DOCK4: variants seen among roughly 807,000 people sequenced by gnomAD.
DOCK4 encodes dedicator of cytokinesis 4.
Under a neutral mutation model 268.1 loss-of-function variants are expected in DOCK4, and 97 were observed. The ratio of observed to expected loss-of-function variants is 0.36; its 90% CI spans 0.31 to 0.43. DOCK4 has a LOEUF of 0.43. Among genes scored for constraint, DOCK4 ranks in the 20% least tolerant of loss-of-function variants. DOCK4 has a pLI of 1.00. For synonymous variants in DOCK4, 954 were observed against 887.2 expected, an observed-to-expected ratio of 1.08 and a Z score of -1.34; for missense variants, 2,145 against 2,455.7, an observed-to-expected ratio of 0.87 and a Z score of 2.67.
chr7:111,899,190 A>G (rs1404554756), intron 15 of DOCK4, among the ~76,000 whole-genome samples: 2 of 152,250 alleles, frequency 1.3e-5, no homozygotes, highest in African/African-American at 4.8e-5. Flanking sequence ...GTCAATTCTG[A>G]AATATGCCAT....
intron 30 of DOCK4, among the ~76,000 whole-genome samples, chr7:111,798,961 A>G (rs990170260): frequency 6.6e-6 from 1 of 152,262 alleles, no homozygotes; most frequent in Non-Finnish European, 1.5e-5. Context: ...AGAAATAGCA[A>G]GAATGCATTG....
intron 39 of DOCK4, among the ~76,000 whole-genome samples, chr7:111,762,926 C>G (rs1039861395): frequency 6.6e-6 from 1 of 151,616 alleles, no homozygotes; most frequent in African/African-American, 2.4e-5. Context: ...GCCACCGAAC[C>G]TGGCAATTTT....
chr7:111,779,391 C>G (rs1798655866), intron 35 of DOCK4, among the ~76,000 whole-genome samples: 1 of 152,052 alleles, frequency 6.6e-6, no homozygotes, highest in East Asian at 1.9e-4. Flanking sequence ...CTTACCTGGA[C>G]AAATTATGTT....
chr7:111,810,991 G>T (rs1398146051), intron 28 of DOCK4, among the ~76,000 whole-genome samples: 1 of 152,108 alleles, frequency 6.6e-6, no homozygotes, highest in East Asian at 1.9e-4. Flanking sequence ...AACAGAGCAG[G>T]ACTCTGTCTC....
chr7:111,765,030 C>A, intron 39 of DOCK4, 88 bp downstream of exon 39: 1 of 573,750 alleles, frequency 1.7e-6, no homozygotes, highest in South Asian at 3.9e-5. Context: ...TATTACCTGT[C>A]ATATAAAATG....
chr7:111,888,919 C>T (rs1254569837), intron 16 of DOCK4, among the ~76,000 whole-genome samples: 1 of 152,090 alleles, frequency 6.6e-6, no homozygotes, highest in African/African-American at 2.4e-5. Flanking sequence ...AGACACTAGA[C>T]ACCTGGCTTA....
intron 1 of DOCK4, among the ~76,000 whole-genome samples, chr7:112,197,970 G>GAAAAAAAAAAAAAAA (rs10525534): frequency 8.1e-5 from 9 of 111,070 alleles, no homozygotes; most frequent in Middle Eastern, 5.0e-3. Context: ...GACCTGCCTA[G>GAAAAAAAAAAAAAAA]AAAAAAAAAA....
chr7:111,877,191 T>TA lies in DOCK4; in HGVS notation c.1588-6dup. 6.9e-7 allele frequency: 1 copy of TA among 1,445,338 alleles called. No individual in the cohort carries two copies. Among genetic ancestry groups the TA allele is most frequent in the Admixed American group, 2.7e-5 (1 of 36,396 alleles). The allele number at this position is 1,445,338 out of a possible 1,614,324, so 89.5% of individuals were successfully genotyped here. ...AAGATTTGTGTTTTCTTCACACTGT[T>TA]AAAAATATTTAAAAAAACATAAGGG... On this transcript the variant is annotated splice_region_variant and splice_polypyrimidine_tract_variant and intron_variant, in intron 16 of 52. Transcript: ENST00000428084.
intron 16 of DOCK4, among the ~76,000 whole-genome samples, chr7:111,889,351 T>C (rs1469902348): frequency 1.3e-5 from 2 of 152,090 alleles, no homozygotes. Context: ...ATAGGGTAAG[T>C]CTTTTAGAAG....
At chr7:111,783,005 AGAAAG>A in intron 34 of DOCK4, 81 bp from the exon 35 acceptor site, 1 of 1,149,412 alleles carries the variant, frequency 8.7e-7, no homozygotes, top group Non-Finnish European at 1.2e-6. Flanking sequence ...GGGGAAAAAA[AGAAAG>A]AAAGAAAGAA....
At chr7:111,783,756 T>G in intron 34 of DOCK4, 101 bp downstream of exon 34, 1 of 1,040,212 alleles carries the variant, frequency 9.6e-7, no homozygotes, top group Non-Finnish European at 1.4e-6. Flanking sequence ...GATAATCAAT[T>G]GAGTGATTCA....
chr7:112,145,521 G>T (rs980145152), intron 1 of DOCK4, among the ~76,000 whole-genome samples: 2 of 152,176 alleles, frequency 1.3e-5, no homozygotes, highest in East Asian at 3.8e-4. Flanking sequence ...ATTCTTCCCA[G>T]TTTACAGTGC....
At chr7:111,803,044 T>C (rs1800420778) in intron 30 of DOCK4, among the ~76,000 whole-genome samples, 1 of 152,234 alleles carries the variant, frequency 6.6e-6, no homozygotes, top group Non-Finnish European at 1.5e-5. Context: ...ACCCAGCCTA[T>C]ATTAAAATTT....
chr7:112,058,728 A>G (rs1806079173), intron 1 of DOCK4, among the ~76,000 whole-genome samples: 1 of 152,204 alleles, frequency 6.6e-6, no homozygotes, highest in South Asian at 2.1e-4. Flanking sequence ...TAGACAGAAG[A>G]AAGGGAGAGA....
rs575941633 is a variant in DOCK4 at position 112,005,784 on chromosome 7, C to G, written c.38-1653G>C. 2.6e-5 allele frequency among the ~76,000 whole-genome samples: 4 copies of G among 152,282 alleles called. No individual in the cohort carries two copies. The East Asian group carries it at 7.7e-4, about 29-fold the overall frequency. On this transcript the variant is annotated intron_variant, in intron 1 of 52. Transcript: ENST00000428084. ...TACCACTCAGGAACACCCTTGTACA[C>G]CCAGGGCTGCCTCCCGCACTTCTGG...
intron 1 of DOCK4, among the ~76,000 whole-genome samples, chr7:112,114,058 C>T (rs1447758436): frequency 6.6e-6 from 1 of 152,106 alleles, no homozygotes; most frequent in African/African-American, 2.4e-5. Flanking sequence ...CTTGAAGAAG[C>T]TATGGTTTTT....
chr7:111,934,551 A>T, intron 12 of DOCK4, among the ~76,000 whole-genome samples: 1 of 90,340 alleles, frequency 1.1e-5, no homozygotes, highest in Admixed American at 1.3e-4. Flanking sequence ...TTTTTTTTAG[A>T]CAGTGTCTTG....
intron 30 of DOCK4, 66 bp from the exon 31 acceptor site, chr7:111,790,671 CA>C: frequency 6.9e-7 from 1 of 1,445,088 alleles, no homozygotes; most frequent in Non-Finnish European, 9.2e-7. Flanking sequence ...AAATTAATAT[CA>C]TAAAATTTGT....
intron 1 of DOCK4, among the ~76,000 whole-genome samples, chr7:112,027,334 C>T (rs940177992): frequency 1.3e-5 from 2 of 152,142 alleles, no homozygotes; most frequent in Non-Finnish European, 2.9e-5. Context: ...AAGAGATTCT[C>T]CCGCCTCAGC....
Sources: allele counts gnomAD v4.1 joint callset (sites outside exome capture counted in the v4.1 genomes callset), GRCh38; gene constraint gnomAD v4.1.1; transcripts MANE v1.5; gene names NCBI Gene and HGNC (gene_info 2026-07-23, HGNC 2026-07-21).